The following MLIP variants were observed in gnomAD, a reference collection of about 807,000 sequenced individuals.
MLIP encodes the protein muscular LMNA interacting protein.
In MLIP, 79 loss-of-function variants were observed where a neutral mutation model predicts 84.8. The observed-to-expected ratio is 0.93, with a 90% CI of 0.78 to 1.12. The LOEUF (loss-of-function observed/expected upper bound fraction) is 1.12. Among genes scored for constraint, MLIP ranks in the 50% most tolerant of loss-of-function variants. The pLI is 0.00. For missense variants in MLIP, 1,257 were observed against 1,160.6 expected (o/e 1.08, Z -1.21); for synonymous variants, 504 against 463.0 (o/e 1.09, Z -1.14).
At chr6:54,149,171 G>A in intron 5 of MLIP, 44 bp downstream of exon 5, 1 of 1,516,374 alleles carries the variant, frequency 6.6e-7, no homozygotes, top group East Asian at 2.3e-5. Context: ...TTTTTAATGT[G>A]ATTTTTAAAA....
chr6:54,203,362 C>T lies in MLIP; in HGVS notation c.2718+1129C>T, dbSNP rs1016161192. ...ATACAGTCAGGACATGTAAGATCAT[C>T]ATATTTTATAATCCATAATAAAATA... On this transcript the variant is annotated intron_variant, in intron 11 of 13. Coordinates refer to ENST00000502396, the MANE Select transcript of MLIP (RefSeq NM_001281747.2). Among the ~76,000 whole-genome samples the T allele has an allele frequency of 2.6e-5, 4 of 151,880 alleles. No homozygotes were observed. In the East Asian group the frequency reaches 7.7e-4, roughly 29 times the overall value.
At chr6:54,087,046 A>AT (rs1582107055) in intron 1 of MLIP, among the ~76,000 whole-genome samples, 2 of 152,232 alleles carry the variant, frequency 1.3e-5, no homozygotes, top group African/African-American at 4.8e-5. Flanking sequence ...GAGGGCAGGG[A>AT]TTTTTTTGTG....
At chr6:54,035,666 T>A (rs1190761883) in intron 1 of MLIP, among the ~76,000 whole-genome samples, 1 of 151,974 alleles carries the variant, frequency 6.6e-6, no homozygotes, top group East Asian at 1.9e-4. Context: ...TTTTAATAGG[T>A]GTGTGGTGGT....
chr6:54,047,251 A>G (rs1374758328), intron 1 of MLIP: 1 of 152,158 alleles, frequency 6.6e-6, no homozygotes, highest in African/African-American at 2.4e-5. Context: ...TTGATTGGCT[A>G]CTAAGAGAGA....
At chr6:54,142,253 A>G (rs970008807) in intron 4 of MLIP, among the ~76,000 whole-genome samples, 3 of 152,238 alleles carry the variant, frequency 2.0e-5, no homozygotes, top group Non-Finnish European at 4.4e-5. Context: ...GCCTGTTCAA[A>G]GACAGTTTAT....
chr6:54,165,686 T>A (rs1161157730), intron 8 of MLIP, among the ~76,000 whole-genome samples: 3 of 151,862 alleles, frequency 2.0e-5, no homozygotes, highest in Non-Finnish European at 4.4e-5. Flanking sequence ...AATGACAAGA[T>A]CAAATTTGCA....
At chr6:54,048,851 C>T (rs1765219474) in intron 1 of MLIP, among the ~76,000 whole-genome samples, 1 of 152,000 alleles carries the variant, frequency 6.6e-6, no homozygotes, top group Non-Finnish European at 1.5e-5. Context: ...ATCCCCCTTG[C>T]TGAAATTTCT....
chr6:54,063,773 G>A (rs965246778), intron 1 of MLIP, among the ~76,000 whole-genome samples: 4 of 150,962 alleles, frequency 2.6e-5, no homozygotes, highest in Admixed American at 6.6e-5. Flanking sequence ...TTCTTAGTAC[G>A]TATAGTAATA....
At chr6:54,223,822 C>T (rs187038018) in intron 11 of MLIP, among the ~76,000 whole-genome samples, 37 of 151,412 alleles carry the variant, frequency 2.4e-4, no homozygotes, top group African/African-American at 8.0e-4. Context: ...AGATCTAACT[C>T]GAAAAAATAG....
At chr6:54,083,562 T>A (rs893140720) in intron 1 of MLIP, 7 of 1,536,018 alleles carry the variant, frequency 4.6e-6, no homozygotes, top group Middle Eastern at 1.7e-4. Flanking sequence ...ATCTGCTAGT[T>A]TGACACGTGG....
chr6:54,264,176 C>T (rs987032360), intron 13 of MLIP, among the ~76,000 whole-genome samples: 2 of 151,940 alleles, frequency 1.3e-5, no homozygotes, highest in African/African-American at 4.8e-5. Context: ...GCCTATGGTG[C>T]TTCAATCTGA....
intron 11 of MLIP, chr6:54,215,220 C>T: frequency 6.5e-7 from 1 of 1,532,096 alleles, no homozygotes; most frequent in South Asian, 1.2e-5. Context: ...GGAACCCTAT[C>T]CTTGTGGCTA....
Position 54,258,701 on chromosome 6 carries a change from AC to A in MLIP, c.2976+1341del, listed in dbSNP as rs1223337179. ...CTATACATTAGAAACAGTGTTATGCACTTTGTTTTACTTAATTTTCATAAAA... is the reference window on the plus strand; with the variant it reads ...CTATACATTAGAAACAGTGTTATGCATTTGTTTTACTTAATTTTCATAAAA... On this transcript the variant is annotated intron_variant, in intron 13 of 13. Transcript: ENST00000502396. Among the ~76,000 whole-genome samples the A allele has an allele frequency of 3.3e-5, 5 of 152,144 alleles. No homozygotes were observed. In the East Asian group the frequency reaches 9.7e-4, roughly 29 times the overall value.
In MLIP at chr6:54,138,148, G is replaced by T; in HGVS notation, c.2079G>T (p.Gly693=). The part of the protein sequence containing the change: ...CGSGTLPSRL[G]KSESTTPNHR... ...GTGGTACCTTGCCTTCAAGACTTGG[G>T]AAATCTGAAAGCACCACCCCCAACC... The change falls in exon 4 of 14, where the codon GGG becomes GGT. Residue 693 remains glycine (G), a synonymous_variant. Transcript: ENST00000502396. 1 of 1,536,062 alleles carries T rather than the reference G, an allele frequency of 6.5e-7. No homozygotes were observed. Among genetic ancestry groups the T allele is most frequent in the Non-Finnish European group, 8.7e-7 (1 of 1,146,876 alleles).
chr6:54,086,257 G>T (rs1384239409), intron 1 of MLIP, among the ~76,000 whole-genome samples: 2 of 152,022 alleles, frequency 1.3e-5, no homozygotes, highest in African/African-American at 2.4e-5. Flanking sequence ...GTGACTCTAT[G>T]TTTAAATTCT....
chr6:54,201,143 A>AT (rs1292059484), intron 10 of MLIP, among the ~76,000 whole-genome samples: 2 of 152,226 alleles, frequency 1.3e-5, no homozygotes, highest in Non-Finnish European at 2.9e-5. Flanking sequence ...GAAACATCAC[A>AT]TTTTGAAATT....
intron 12 of MLIP, among the ~76,000 whole-genome samples, chr6:54,232,979 C>A (rs1781109022): frequency 1.3e-5 from 2 of 152,150 alleles, no homozygotes; most frequent in Admixed American, 1.3e-4. Context: ...AAGTTTTAAT[C>A]AAACTCCTCA....
At chr6:54,154,521 C>T (rs1442733204) in intron 5 of MLIP, among the ~76,000 whole-genome samples, 5 of 152,072 alleles carry the variant, frequency 3.3e-5, no homozygotes, top group African/African-American at 4.8e-5. Context: ...ATTTGATGCT[C>T]AAAGAAGCCA....
Position 54,124,571 on chromosome 6 carries a change from A to G in MLIP, c.351A>G (p.Leu117=), listed in dbSNP as rs1230642560. ...CTTCAGAGGTCAGTGGAACGATTTT[A>G]CAAGAAAGGGAATTCGAAGCAAACA... ...TCPSEVSGTI[L]QEREFEANKL... The change falls in exon 3 of 14, where the codon TTA becomes TTG. Residue 117 remains leucine (L), a synonymous_variant. Transcript: ENST00000502396. 1 of 1,614,234 alleles carries G rather than the reference A, an allele frequency of 6.2e-7. No individual in the cohort carries two copies. Among genetic ancestry groups the G allele is most frequent in the African/African-American group, 1.3e-5 (1 of 75,066 alleles).
Sources: allele counts gnomAD v4.1 joint callset (sites outside exome capture counted in the v4.1 genomes callset), GRCh38; gene constraint gnomAD v4.1.1; transcripts MANE v1.5; gene names NCBI Gene and HGNC (gene_info 2026-07-23, HGNC 2026-07-21).